Variants in KDM4B observed in about 807,000 individuals in gnomAD.
KDM4B encodes the protein lysine-specific demethylase 4B.
KDM4B carries 32 observed loss-of-function variants against 125.2 expected under a neutral mutation model. That is an observed-to-expected ratio of 0.26 (90% CI 0.19 to 0.34). KDM4B has a LOEUF of 0.34. Ranked by LOEUF, KDM4B falls within the 10% of genes least tolerant of loss-of-function variation. The probability of loss-of-function intolerance (pLI) is 1.00; values close to 1 mark genes in which losing one functional copy is unlikely to be tolerated. For synonymous variants in KDM4B, 721 were observed against 677.9 expected (o/e 1.06, Z -0.99); for missense variants, 1,190 against 1,577.7 (o/e 0.75, Z 4.16).
intron 12 of KDM4B, among the ~76,000 whole-genome samples, 167 bp downstream of exon 12, chr19:5,131,712 G>A (rs2039559958): frequency 1.1e-5 from 1 of 94,190 alleles, no homozygotes; most frequent in African/African-American, 3.6e-5. Context: ...TTCTCACAGG[G>A]TAGGTGGGGT....
At chr19:5,036,789 T>C (rs1158165486) in intron 3 of KDM4B, among the ~76,000 whole-genome samples, 1 of 152,240 alleles carries the variant, frequency 6.6e-6, no homozygotes, top group Non-Finnish European at 1.5e-5. Context: ...GGAGCCCTCC[T>C]TCTGGATTTG....
chr19:5,146,223 C>T (rs1035932345), intron 21 of KDM4B, among the ~76,000 whole-genome samples: 2 of 139,780 alleles, frequency 1.4e-5, no homozygotes, highest in African/African-American at 5.5e-5. Context: ...GGACCTGTCA[C>T]TGAGCATCCA....
At chr19:5,103,116 G>T (rs574042873) in intron 9 of KDM4B, among the ~76,000 whole-genome samples, 1 of 152,114 alleles carries the variant, frequency 6.6e-6, no homozygotes, top group Non-Finnish European at 1.5e-5. Context: ...ACTGCTGCCA[G>T]TGGGGCCGGT....
At chr19:5,041,348 C>T (rs1425106980) in intron 5 of KDM4B, 97 bp downstream of exon 5, 1 of 905,990 alleles carries the variant, frequency 1.1e-6, no homozygotes, top group Non-Finnish European at 1.7e-6. Flanking sequence ...GATGAAGCTT[C>T]CAGGCAGGCA....
intron 6 of KDM4B, among the ~76,000 whole-genome samples, chr19:5,048,652 T>G (rs1298735410): frequency 6.6e-6 from 1 of 151,400 alleles, no homozygotes; most frequent in African/African-American, 2.4e-5. Context: ...AAAAGCACAA[T>G]GAGCAGGAAG....
chr19:5,096,570 A>G (rs1001343974), intron 9 of KDM4B, among the ~76,000 whole-genome samples: 1 of 151,482 alleles, frequency 6.6e-6, no homozygotes, highest in African/African-American at 2.4e-5. Context: ...GCATTTCTAC[A>G]CTGGAGTCGC....
intron 2 of KDM4B, among the ~76,000 whole-genome samples, chr19:5,025,292 A>G (rs1025169305): frequency 2.6e-5 from 4 of 152,230 alleles, no homozygotes; most frequent in Non-Finnish European, 5.9e-5. Context: ...CTGGTCTCCC[A>G]GCTTCCTCTG....
chr19:4,977,101 C>T (rs2034473539), intron 1 of KDM4B, among the ~76,000 whole-genome samples: 1 of 151,946 alleles, frequency 6.6e-6, no homozygotes, highest in African/African-American at 2.4e-5. Context: ...TCCTCCCTTC[C>T]CTCTTTCTTT....
intron 6 of KDM4B, among the ~76,000 whole-genome samples, chr19:5,064,254 C>T (rs1229438118): frequency 1.3e-5 from 2 of 152,234 alleles, no homozygotes; most frequent in South Asian, 2.1e-4. Flanking sequence ...CACCTGGTCT[C>T]GGGTACTTCC....
intron 15 of KDM4B, among the ~76,000 whole-genome samples, chr19:5,136,746 G>A (rs1236837419): frequency 6.6e-6 from 1 of 152,206 alleles, no homozygotes; most frequent in Non-Finnish European, 1.5e-5. Context: ...CCACACTGGG[G>A]GCAGTGATCC....
At chr19:5,019,695 TGTG>T (rs1286360412) in intron 2 of KDM4B, among the ~76,000 whole-genome samples, 1 of 143,400 alleles carries the variant, frequency 7.0e-6, no homozygotes, top group African/African-American at 2.6e-5. Flanking sequence ...CAGGTGTTGG[TGTG>T]GGTGTTGGTG....
intron 21 of KDM4B, among the ~76,000 whole-genome samples, chr19:5,149,038 C>A (rs889494557): frequency 6.6e-6 from 1 of 152,236 alleles, no homozygotes; most frequent in Admixed American, 6.5e-5. Context: ...CCGCCTGCGC[C>A]GGCCAAGAGG....
chr19:5,010,694 C>T (rs185491339), intron 1 of KDM4B, among the ~76,000 whole-genome samples: 1 of 152,332 alleles, frequency 6.6e-6, no homozygotes, highest in African/African-American at 2.4e-5. Flanking sequence ...TTTGCCCAGG[C>T]TGGAATGCAG....
Position 5,138,179 on chromosome 19 carries a change from C to T in KDM4B, c.2550+109C>T, listed in dbSNP as rs2039682832. ...GCGGTCTTTCCTCCAAGCTCTGCGT[C>T]TCCATGGGGGTGGTGGGCAGCTTTC... is the stretch of plus-strand genomic sequence containing the variant. On this transcript the variant is annotated intron_variant, in intron 18 of 22. Transcript: ENST00000159111. 8 of 790,840 alleles carry T rather than the reference C, an allele frequency of 1.0e-5. No homozygotes were observed. The South Asian group carries it at 1.1e-4, about 11-fold the overall frequency. 49.0% of individuals were successfully genotyped at this position (790,840 alleles called of 1,614,324 possible).
rs897905458 is a variant in KDM4B, at chr19:5,035,823, C to T, written c.141+2792C>T. On this transcript the variant is annotated intron_variant, in intron 3 of 22. Coordinates refer to ENST00000159111, the MANE Select transcript of KDM4B (RefSeq NM_015015.3). This position sits in a 1 kb window ranked among gnomAD's most constrained non-coding sequence, Gnocchi z 5.3. ...GGGGGCTGGGCAGTAGGGGGCCGTC[C>T]GGGTCCCATGCTGTGGAGGGGCTGT... Among the ~76,000 whole-genome samples the T allele has an allele frequency of 1.3e-5, 2 of 151,236 alleles. No homozygotes were observed. Among genetic ancestry groups the T allele is most frequent in the Admixed American group, 6.6e-5 (1 of 15,208 alleles).
chr19:5,018,971 T>C (rs536217024), intron 2 of KDM4B, among the ~76,000 whole-genome samples: 1 of 152,380 alleles, frequency 6.6e-6, no homozygotes, highest in South Asian at 2.1e-4. Context: ...TGGGCGCTCA[T>C]GTGGCCTCCT....
At chr19:5,143,627 G>A (rs1367798381) in intron 18 of KDM4B, among the ~76,000 whole-genome samples, 2 of 152,154 alleles carry the variant, frequency 1.3e-5, no homozygotes, top group Non-Finnish European at 1.5e-5. Context: ...GCGACACCAC[G>A]TGGGGCTCTT....
chr19:5,001,520 C>T (rs547541926), intron 1 of KDM4B, among the ~76,000 whole-genome samples: 5 of 152,314 alleles, frequency 3.3e-5, no homozygotes, highest in South Asian at 4.1e-4. Flanking sequence ...CAGGCTCTTA[C>T]GGTGGCGAAC....
At chr19:5,088,556 T>C (rs922617540) in intron 9 of KDM4B, among the ~76,000 whole-genome samples, 10 of 151,490 alleles carry the variant, frequency 6.6e-5, no homozygotes, top group Admixed American at 5.3e-4. Context: ...GGCTTTTCCA[T>C]AATTAATCAA....
Sources: gnomAD v4.1 joint callset for allele counts (sites outside exome capture counted in the v4.1 genomes callset) on GRCh38, gnomAD v4.1.1 for gene constraint, Gnocchi (gnomAD v3.1) non-coding constraint, MANE v1.5 for transcripts, NCBI Gene and HGNC (gene_info 2026-07-23, HGNC 2026-07-21) for gene names.